The following SMOC2 variants were observed in gnomAD, a reference collection of about 807,000 sequenced individuals.
The protein encoded by SMOC2 is SPARC-related modular calcium-binding protein 2.
In SMOC2, 39 loss-of-function variants were observed where a neutral mutation model predicts 61.4. The observed-to-expected ratio is 0.64, with a 90% CI of 0.49 to 0.83. The LOEUF is 0.83. Ranked by LOEUF, SMOC2 falls within the 40% of genes least tolerant of loss-of-function variation. SMOC2 has a pLI of 0.00. For missense variants in SMOC2, 556 were observed against 592.9 expected, an observed-to-expected ratio of 0.94 and a Z score of 0.65; for synonymous variants, 247 against 239.9, an observed-to-expected ratio of 1.03 and a Z score of -0.27.
At position 168,509,797 on chromosome 6, in the gene SMOC2, T is replaced by C. The variant is rs1191381674; in HGVS notation, c.85-118T>C. 22 of 914,952 alleles carry C rather than the reference T, an allele frequency of 2.4e-5. No individual in the cohort carries two copies. The Admixed American group carries it at 5.3e-4, about 22-fold the overall frequency. The allele number at this position is 914,952 out of a possible 1,614,324, so 56.7% of individuals were successfully genotyped here. A position where few individuals can be genotyped will look rare whatever the true frequency, so the allele number is the denominator to read the frequency against. On this transcript the variant is annotated intron_variant, in intron 1 of 12. Coordinates refer to ENST00000356284, the MANE Select transcript of SMOC2 (RefSeq NM_001166412.2). ...TCTGGCAGGGGTGAGAACCGGGTGGTGTTATCCCTCAAGCTTTCATTCCCT... is the reference window on the plus strand; with the variant it reads ...TCTGGCAGGGGTGAGAACCGGGTGGCGTTATCCCTCAAGCTTTCATTCCCT...
intron 9 of SMOC2, among the ~76,000 whole-genome samples, chr6:168,642,788 C>T (rs1048362584): frequency 7.9e-5 from 12 of 152,248 alleles, no homozygotes; most frequent in Admixed American, 5.2e-4. Flanking sequence ...TTTCCTAACA[C>T]GATACTTTTT....
At chr6:168,509,006 C>T (rs1782943563) in intron 1 of SMOC2, among the ~76,000 whole-genome samples, 1 of 152,208 alleles carries the variant, frequency 6.6e-6, no homozygotes, top group Admixed American at 6.5e-5. Context: ...TGAGCTTCAC[C>T]TTGGTGTCTG....
chr6:168,514,561 G>A (rs1783086791), intron 2 of SMOC2, among the ~76,000 whole-genome samples: 1 of 152,242 alleles, frequency 6.6e-6, no homozygotes, highest in African/African-American at 2.4e-5. Context: ...TACCTTGGCT[G>A]TAGTTATAAA....
At chr6:168,607,478 G>C (rs1042201771) in intron 8 of SMOC2, among the ~76,000 whole-genome samples, 8 of 152,206 alleles carry the variant, frequency 5.3e-5, no homozygotes, top group Non-Finnish European at 1.0e-4. Flanking sequence ...GCTCCCATGA[G>C]CTCTGCAACC....
At chr6:168,490,981 C>G (rs1316345846) in intron 1 of SMOC2, among the ~76,000 whole-genome samples, 1 of 152,196 alleles carries the variant, frequency 6.6e-6, no homozygotes, top group Non-Finnish European at 1.5e-5. Context: ...CCCCGTAGGA[C>G]TCTGGAGAGG....
intron 7 of SMOC2, among the ~76,000 whole-genome samples, chr6:168,575,168 G>C (rs1583124685): frequency 6.6e-6 from 1 of 152,304 alleles, no homozygotes; most frequent in East Asian, 1.9e-4. Context: ...CCCTCCCAGT[G>C]TTAATTCTCA....
At chr6:168,487,465 G>A (rs770671091) in intron 1 of SMOC2, among the ~76,000 whole-genome samples, 21 of 152,266 alleles carry the variant, frequency 1.4e-4, no homozygotes, top group Middle Eastern at 3.4e-3. Flanking sequence ...GAAAATTATC[G>A]TATGTAGGAA....
At chr6:168,653,400 G>A (rs1195544172) in intron 11 of SMOC2, among the ~76,000 whole-genome samples, 172 bp downstream of exon 11, 1 of 152,236 alleles carries the variant, frequency 6.6e-6, no homozygotes, top group Non-Finnish European at 1.5e-5. Flanking sequence ...GATAATTGGC[G>A]ACTCATCACA....
intron 8 of SMOC2, among the ~76,000 whole-genome samples, chr6:168,599,850 A>G (rs1163620519): frequency 8.0e-6 from 1 of 124,794 alleles, no homozygotes; most frequent in Non-Finnish European, 1.6e-5. Context: ...CCACAGTCAC[A>G]CACAGTCTTA....
intron 2 of SMOC2, among the ~76,000 whole-genome samples, chr6:168,514,460 A>C (rs1783083244): frequency 6.6e-6 from 1 of 152,256 alleles, no homozygotes; most frequent in Non-Finnish European, 1.5e-5. Flanking sequence ...GGAGCCAGGT[A>C]CATGGCTTGA....
At position 168,466,952 on chromosome 6, in the gene SMOC2, C is replaced by T. The variant is rs1377901976; in HGVS notation, c.84+25498C>T. Among the ~76,000 whole-genome samples, 5 of 152,200 alleles carry T rather than the reference C, an allele frequency of 3.3e-5. No homozygotes were observed. In the East Asian group the frequency reaches 9.7e-4, roughly 29 times the overall value. ...GTTCCCTTGTCTACTCTGAGCTCTG[C>T]CCACAGGATGCTGGGCAGGGCTGCG... On this transcript the variant is annotated intron_variant, in intron 1 of 12. Coordinates refer to ENST00000356284, the MANE Select transcript of SMOC2 (RefSeq NM_001166412.2).
intron 1 of SMOC2, among the ~76,000 whole-genome samples, chr6:168,509,328 C>G (rs112442123): frequency 2.0e-5 from 3 of 152,210 alleles, no homozygotes; most frequent in African/African-American, 7.2e-5. Flanking sequence ...GCCATGAGGT[C>G]ACTCATTCAT....
chr6:168,556,766 C>T (rs1221104473), intron 7 of SMOC2, among the ~76,000 whole-genome samples: 1 of 125,548 alleles, frequency 8.0e-6, no homozygotes, highest in Non-Finnish European at 1.6e-5. Flanking sequence ...CAACAGGCCC[C>T]GCTGTGTGAT....
intron 7 of SMOC2, among the ~76,000 whole-genome samples, chr6:168,565,441 A>T (rs1583114925): frequency 6.6e-6 from 1 of 152,186 alleles, no homozygotes; most frequent in East Asian, 1.9e-4. Context: ...GTCTTCCCTC[A>T]GTTTGCTCCT....
chr6:168,656,646 T>C (rs1440856978), intron 11 of SMOC2, among the ~76,000 whole-genome samples: 2 of 151,384 alleles, frequency 1.3e-5, no homozygotes, highest in Non-Finnish European at 2.9e-5. Context: ...GAGGAGGCAG[T>C]GATCATCGTC....
rs1050837312 is a variant in SMOC2, at chr6:168,519,158, T to TGTATGCGTGCATGTGTGA, written c.257-7171_257-7154dup. ...GTGTGCATGTGTGAGCATGCGTGTGTGTATGCGTGCATGTGTGAGTATGCG... is the reference window on the plus strand; with the variant it reads ...GTGTGCATGTGTGAGCATGCGTGTGTGTATGCGTGCATGTGTGAGTATGCGTGCATGTGTGAGTATGCG... On this transcript the variant is annotated intron_variant, in intron 2 of 12. Transcript: ENST00000356284. Among the ~76,000 whole-genome samples the TGTATGCGTGCATGTGTGA allele has an allele frequency of 2.0e-5, 3 of 151,878 alleles. No individual in the cohort carries two copies. The South Asian group carries it at 6.3e-4, about 32-fold the overall frequency.
chr6:168,570,724 A>T (rs749168619), intron 7 of SMOC2, among the ~76,000 whole-genome samples: 4 of 152,208 alleles, frequency 2.6e-5, no homozygotes, highest in Admixed American at 6.5e-5. Flanking sequence ...AGAAAACTTG[A>T]GGAAAGGGAA....
At chr6:168,628,214 T>C (rs1786465630) in intron 9 of SMOC2, among the ~76,000 whole-genome samples, 1 of 152,232 alleles carries the variant, frequency 6.6e-6, no homozygotes, top group South Asian at 2.1e-4. Context: ...TCTGTTGATA[T>C]TTTAGCTTGA....
intron 4 of SMOC2, among the ~76,000 whole-genome samples, chr6:168,531,794 G>A (rs1783609070): frequency 6.6e-6 from 1 of 152,178 alleles, no homozygotes; most frequent in African/African-American, 2.4e-5. Flanking sequence ...AAGTGGCAGA[G>A]CTGGGATGTA....
Sources: gnomAD v4.1 joint callset for allele counts (sites outside exome capture counted in the v4.1 genomes callset) on GRCh38, gnomAD v4.1.1 for gene constraint, MANE v1.5 for transcripts, NCBI Gene and HGNC (gene_info 2026-07-23, HGNC 2026-07-21) for gene names.